CAST: variants seen among roughly 807,000 people sequenced by gnomAD.
CAST encodes the protein MIR583 host.
A neutral mutation model predicts 119.6 loss-of-function variants in CAST; 76 were observed. The observed-to-expected ratio is 0.64, with a 90% CI of 0.53 to 0.77. CAST has a LOEUF of 0.77. Ranked by LOEUF, CAST falls within the 30% of genes least tolerant of loss-of-function variation. The pLI is 0.00. For missense variants in CAST, 953 were observed against 946.5 expected (o/e 1.01, Z -0.09); for synonymous variants, 319 against 331.6 (o/e 0.96, Z 0.41).
the CAST span, among the ~76,000 whole-genome samples, chr5:96,277,547 C>T: frequency 6.6e-6 from 1 of 151,928 alleles, no homozygotes; most frequent in Non-Finnish European, 1.5e-5. Context: ...ATAAGGATGA[C>T]TAAATAAATA....
At chr5:96,288,364 C>T in the CAST span, among the ~76,000 whole-genome samples, 5 of 152,030 alleles carry the variant, frequency 3.3e-5, no homozygotes, top group Non-Finnish European at 5.9e-5. Context: ...TGGTGAGGTA[C>T]AGAAATACCG....
At chr5:96,475,456 C>T in the CAST span, among the ~76,000 whole-genome samples, 876 of 152,208 alleles carry the variant, frequency 5.8e-3, 7 homozygotes, top group African/African-American at 0.019. Flanking sequence ...TTGCACCAAA[C>T]GATGAGAAAG....
intron 20 of CAST, among the ~76,000 whole-genome samples, chr5:96,753,604 A>G (rs1765639942): frequency 6.6e-6 from 1 of 152,196 alleles, no homozygotes; most frequent in South Asian, 2.1e-4. Context: ...TGTGGAGAAA[A>G]CAGGCTTCCG....
chr5:96,436,675 C>T, the CAST span, among the ~76,000 whole-genome samples: 58 of 152,132 alleles, frequency 3.8e-4, no homozygotes, highest in Middle Eastern at 6.8e-3. Flanking sequence ...CTAAATTTTA[C>T]AGGTCAAGTA....
chr5:96,662,384 C>T lies in CAST; in HGVS notation c.-39C>T. Reference sequence around the variant, plus strand: ...CGCCAGGCCTCCCCGCCACTCTCCGCGGCGCATTCCGGGAGGCAGCGGCCG... The same window carrying T: ...CGCCAGGCCTCCCCGCCACTCTCCGTGGCGCATTCCGGGAGGCAGCGGCCG... On this transcript the variant is annotated 5_prime_UTR_variant, in exon 1 of 32. Transcript: ENST00000675179. 2.1e-6 allele frequency: 3 copies of T among 1,417,918 alleles called. No individual in the cohort carries two copies. The highest frequency in any genetic ancestry group is 2.7e-6 in the Non-Finnish European group (3 of 1,091,146). 87.8% of individuals were successfully genotyped at this position (1,417,918 alleles called of 1,614,324 possible).
intron 25 of CAST, chr5:96,762,903 T>A: frequency 2.2e-6 from 1 of 451,370 alleles, no homozygotes; most frequent in Middle Eastern, 6.3e-4. Flanking sequence ...AACCTCAGCA[T>A]CAATATTGTT....
the CAST span, among the ~76,000 whole-genome samples, chr5:96,411,977 C>T: frequency 6.6e-6 from 1 of 152,124 alleles, no homozygotes; most frequent in African/African-American, 2.4e-5. Flanking sequence ...ACCACAGTTT[C>T]ACTGTCTAAA....
chr5:96,560,402 C>G (rs1481007201), intron 1 of CAST, among the ~76,000 whole-genome samples: 11 of 151,560 alleles, frequency 7.3e-5, no homozygotes, highest in African/African-American at 2.7e-4. Flanking sequence ...AAGAAACTAC[C>G]ATCAGAGTGA....
At chr5:96,515,510 C>T in the CAST span, among the ~76,000 whole-genome samples, 441 of 152,144 alleles carry the variant, frequency 2.9e-3, 2 homozygotes, top group Admixed American at 3.9e-3. Context: ...TATTCACGTC[C>T]AATATCTTCC....
the CAST span, among the ~76,000 whole-genome samples, chr5:96,367,602 T>A: frequency 1.3e-4 from 20 of 152,254 alleles, no homozygotes; most frequent in Middle Eastern, 3.4e-3. Flanking sequence ...CTAGGCTCTG[T>A]GGGTGTGGGA....
the CAST span, among the ~76,000 whole-genome samples, chr5:96,456,547 A>T: frequency 0.044 from 6,752 of 152,308 alleles, 362 homozygotes; most frequent in African/African-American, 0.12. Flanking sequence ...GAATTCTCTG[A>T]CTAATCCATG....
chr5:96,416,101 C>T, the CAST span: 1 of 1,611,520 alleles, frequency 6.2e-7, no homozygotes, highest in Non-Finnish European at 8.5e-7. Flanking sequence ...GGCAATTTCT[C>T]CTGCACATCT....
the CAST span, among the ~76,000 whole-genome samples, chr5:96,451,642 T>C: frequency 1.3e-5 from 2 of 152,060 alleles, no homozygotes; most frequent in Admixed American, 1.3e-4. Flanking sequence ...AATTGACAAA[T>C]GGGATCTAAT....
chr5:96,401,398 C>G, the CAST span, among the ~76,000 whole-genome samples: 1 of 152,128 alleles, frequency 6.6e-6, no homozygotes, highest in Admixed American at 6.5e-5. Context: ...AGGGGAGAGG[C>G]AGTGAGGAGT....
At chr5:96,455,213 C>T in the CAST span, among the ~76,000 whole-genome samples, 2 of 152,330 alleles carry the variant, frequency 1.3e-5, no homozygotes, top group East Asian at 1.9e-4. Context: ...TCTTGGGACT[C>T]GGCTCATCCC....
At chr5:96,130,015 C>A in the CAST span, among the ~76,000 whole-genome samples, 1 of 124,062 alleles carries the variant, frequency 8.1e-6, no homozygotes. Flanking sequence ...TAAGAAAACA[C>A]ACACACTTTT....
At chr5:96,346,729 A>G in the CAST span, among the ~76,000 whole-genome samples, 5 of 152,130 alleles carry the variant, frequency 3.3e-5, no homozygotes, top group Admixed American at 1.3e-4. Flanking sequence ...TCTGGGCTAT[A>G]CAGTATGTGG....
the CAST span, among the ~76,000 whole-genome samples, chr5:96,054,162 T>C: frequency 6.6e-6 from 1 of 152,188 alleles, no homozygotes; most frequent in East Asian, 1.9e-4. Flanking sequence ...CTTGTAGTTT[T>C]TTTCCAAACC....
At chr5:96,560,737 C>G (rs527913056) in intron 1 of CAST, among the ~76,000 whole-genome samples, 105 of 152,112 alleles carry the variant, frequency 6.9e-4, no homozygotes, top group African/African-American at 2.5e-3. Context: ...AATAGGAACA[C>G]TTTTACACTG....
Sources: allele counts gnomAD v4.1 joint callset (sites outside exome capture counted in the v4.1 genomes callset), GRCh38; gene constraint gnomAD v4.1.1; transcripts MANE v1.5; gene names NCBI Gene and HGNC (gene_info 2026-07-23, HGNC 2026-07-21).